The following HNRNPC variants were observed in gnomAD, a reference collection of about 807,000 sequenced individuals.
HNRNPC encodes heterogeneous nuclear ribonucleoproteins C1/C2.
A neutral mutation model predicts 33.2 loss-of-function variants in HNRNPC; 3 were observed. The observed-to-expected ratio is 0.09, with a 90% confidence interval of 0.04 to 0.23. The LOEUF is 0.23. HNRNPC is among the 10% of genes least tolerant of loss of function. The pLI is 1.00. For synonymous variants in HNRNPC, 121 were observed against 126.7 expected, an observed-to-expected ratio of 0.96 and a Z score of 0.30; for missense variants, 143 against 366.7, an observed-to-expected ratio of 0.39 and a Z score of 4.98.
intron 2 of HNRNPC, among the ~76,000 whole-genome samples, chr14:21,252,215 C>G (rs1440051239): frequency 2.0e-5 from 3 of 152,168 alleles, no homozygotes; most frequent in Non-Finnish European, 4.4e-5. Context: ...AAAGACCCCA[C>G]CAACCATGTT....
intron 3 of HNRNPC, among the ~76,000 whole-genome samples, chr14:21,232,028 G>A (rs1894175897): frequency 6.6e-6 from 1 of 152,080 alleles, no homozygotes; most frequent in African/African-American, 2.4e-5. Flanking sequence ...ACTGCTTTCT[G>A]AATAATTGAT....
chr14:21,221,796 T>C (rs140004892), intron 5 of HNRNPC, among the ~76,000 whole-genome samples: 3 of 152,212 alleles, frequency 2.0e-5, no homozygotes, highest in African/African-American at 7.2e-5. Flanking sequence ...ATGCCTGTAA[T>C]CTCAGCACTT....
intron 2 of HNRNPC, among the ~76,000 whole-genome samples, chr14:21,239,378 G>C (rs1383548717): frequency 6.6e-6 from 1 of 152,082 alleles, no homozygotes; most frequent in East Asian, 1.9e-4. Context: ...TATTCGGGAG[G>C]CTGAGGCAGG....
intron 5 of HNRNPC, among the ~76,000 whole-genome samples, chr14:21,216,821 T>C (rs915808362): frequency 1.3e-5 from 2 of 152,192 alleles, no homozygotes; most frequent in African/African-American, 4.8e-5. Context: ...CTTAACTATG[T>C]AGATAAAAAA....
chr14:21,228,327 T>G (rs1893706039), intron 5 of HNRNPC, among the ~76,000 whole-genome samples: 1 of 152,232 alleles, frequency 6.6e-6, no homozygotes, highest in Non-Finnish European at 1.5e-5. Context: ...ATTTCAGGAA[T>G]AAATGGGCTG....
intron 2 of HNRNPC, among the ~76,000 whole-genome samples, chr14:21,239,009 C>A (rs1433774252): frequency 1.3e-5 from 2 of 151,648 alleles, no homozygotes; most frequent in African/African-American, 4.9e-5. Context: ...CACCTGTAGT[C>A]CCAGCTACTC....
intron 5 of HNRNPC, among the ~76,000 whole-genome samples, chr14:21,229,488 T>C (rs577901566): frequency 7.2e-5 from 11 of 152,358 alleles, no homozygotes; most frequent in African/African-American, 2.6e-4. Context: ...CCCTTTACAA[T>C]CTGGATTTGA....
chr14:21,247,098 G>A (rs954475322), intron 2 of HNRNPC, among the ~76,000 whole-genome samples: 6 of 152,162 alleles, frequency 3.9e-5, no homozygotes, highest in African/African-American at 1.4e-4. Context: ...GGCAGCTGGT[G>A]CCTTAATACC....
rs115372132 is a variant in HNRNPC at position 21,256,606 on chromosome 14, C to T, written c.-37+6705G>A. Among the ~76,000 whole-genome samples the T allele has an allele frequency of 4.4e-3, 662 of 152,070 alleles. 5 individuals are homozygous for T. Among genetic ancestry groups the T allele is most frequent in the African/African-American group, 0.015 (640 of 41,474 alleles). ...GGTGGCTTGAAATTGGACCAAGTGT[C>T]GACAGTATGAGTAGTGGTATATTTT... On this transcript the variant is annotated intron_variant, in intron 2 of 8. Coordinates refer to ENST00000553300, the MANE Select transcript of HNRNPC (RefSeq NM_004500.4).
At chr14:21,225,266 C>CAA (rs1356682986) in intron 5 of HNRNPC, among the ~76,000 whole-genome samples, 2 of 136,324 alleles carry the variant, frequency 1.5e-5, no homozygotes, top group Non-Finnish European at 1.6e-5. Context: ...ACTAACAATA[C>CAA]AAAAAAAAAA....
Position 21,234,179 on chromosome 14 carries a change from A to G in HNRNPC, c.15T>C (p.Val5=). 1 of 1,613,970 alleles carries G rather than the reference A, an allele frequency of 6.2e-7. No individual in the cohort carries two copies. The highest frequency in any genetic ancestry group is 1.1e-5 in the South Asian group (1 of 91,066). MASN[V]TNKTDPRSMN... ...TGGAGCGAGGATCTGTCTTGTTGGT[A>G]ACGTTGCTGGCCATCGTGTTTGATG... Residue 5 remains valine, a synonymous_variant, in exon 3 of 9, where the codon GTT becomes GTC. Coordinates refer to ENST00000553300, the MANE Select transcript of HNRNPC (RefSeq NM_004500.4).
At chr14:21,241,191 G>C (rs557353089) in intron 2 of HNRNPC, among the ~76,000 whole-genome samples, 1 of 150,526 alleles carries the variant, frequency 6.6e-6, no homozygotes. Context: ...CCCAGGAGGC[G>C]GAGGTTGTAG....
At chr14:21,248,828 G>T (rs556548535) in intron 2 of HNRNPC, among the ~76,000 whole-genome samples, 2 of 152,174 alleles carry the variant, frequency 1.3e-5, no homozygotes, top group Non-Finnish European at 2.9e-5. Context: ...TTAAAACTGC[G>T]TGTTTTTTGA....
At chr14:21,240,501 G>C (rs1895217148) in intron 2 of HNRNPC, among the ~76,000 whole-genome samples, 1 of 152,152 alleles carries the variant, frequency 6.6e-6, no homozygotes, top group Admixed American at 6.5e-5. Context: ...ATTATCTGAA[G>C]ATTTTTTACA....
chr14:21,227,510 A>G (rs1043190891), intron 5 of HNRNPC, among the ~76,000 whole-genome samples: 10 of 152,248 alleles, frequency 6.6e-5, no homozygotes, highest in African/African-American at 2.4e-4. Context: ...CGGCTGGTGC[A>G]AAAATAATTG....
intron 2 of HNRNPC, among the ~76,000 whole-genome samples, chr14:21,252,323 T>A (rs1463772812): frequency 1.3e-5 from 2 of 152,216 alleles, no homozygotes; most frequent in African/African-American, 4.8e-5. Flanking sequence ...TTTTTGTTGT[T>A]GTTTTTGTTT....
At chr14:21,235,971 G>A (rs936738201) in intron 2 of HNRNPC, among the ~76,000 whole-genome samples, 2 of 152,154 alleles carry the variant, frequency 1.3e-5, no homozygotes, top group Non-Finnish European at 2.9e-5. Context: ...GAAAAATACA[G>A]ATGTGATTGA....
At chr14:21,242,056 A>C (rs565616006) in intron 2 of HNRNPC, among the ~76,000 whole-genome samples, 16 of 152,330 alleles carry the variant, frequency 1.1e-4, no homozygotes, top group African/African-American at 3.6e-4. Flanking sequence ...ATATAAATAC[A>C]AATCGTGTAA....
chr14:21,268,101 A>G (rs1879317225), intron 1 of HNRNPC, among the ~76,000 whole-genome samples: 2 of 152,202 alleles, frequency 1.3e-5, no homozygotes, highest in Admixed American at 1.3e-4. Flanking sequence ...AAATAAACTT[A>G]GCCAAATCTC....
Sources: gnomAD v4.1 joint callset for allele counts (sites outside exome capture counted in the v4.1 genomes callset) on GRCh38, gnomAD v4.1.1 for gene constraint, MANE v1.5 for transcripts, NCBI Gene and HGNC (gene_info 2026-07-23, HGNC 2026-07-21) for gene names.